OR11H4: variants seen among roughly 807,000 people sequenced by gnomAD.
The protein encoded by OR11H4 is olfactory receptor 11H4.
For missense variants in OR11H4, 460 were observed against 371.1 expected, an observed-to-expected ratio of 1.24 and a Z score of -1.97; for synonymous variants, 162 against 142.3, an observed-to-expected ratio of 1.14 and a Z score of -0.98.
Position 20,243,717 on chromosome 14 carries a change from T to C in OR11H4, c.896T>C (p.Leu299Pro). ...IYTLRNKDMK[L>P]ALRNVLFGMR... ...ACTCTTCGTAATAAGGACATGAAAC[T>C]CGCTCTGAGAAATGTCCTGTTTGGA... is the stretch of plus-strand genomic sequence containing the variant. The change falls in exon 2 of 2, where the codon CTC (leucine) becomes CCC (proline). Residue 299 changes from leucine (L) to proline (P), a missense_variant. Coordinates refer to ENST00000641082, the MANE Select transcript of OR11H4 (RefSeq NM_001004479.2). 1.2e-6 allele frequency: 2 copies of C among 1,601,320 alleles called. No individual in the cohort carries two copies. The highest frequency in any genetic ancestry group is 1.7e-6 in the Non-Finnish European group (2 of 1,174,234).
chr14:20,242,918 G>T lies in OR11H4; in HGVS notation c.97G>T (p.Val33Leu), dbSNP rs767960010. 1.9e-6 allele frequency: 3 copies of T among 1,614,092 alleles called. No homozygotes were observed. The highest frequency in any genetic ancestry group is 2.5e-6 in the Non-Finnish European group (3 of 1,180,014). Residue 33 changes from valine (V) to leucine (L), a missense_variant, in exon 2 of 2, where the codon GTG (valine) becomes TTG (leucine). By Grantham distance (32) the Val-to-Leu change is conservative. Coordinates refer to ENST00000641082, the MANE Select transcript of OR11H4 (RefSeq NM_001004479.2). The stretch of plus-strand genomic sequence containing the variant: ...GATTTTCCTCTTCTCATTGTTTTTG[G>T]TGATTTATGTCTTGACCTTGCTGGG... ...IQIFLFSLFL[V>L]IYVLTLLGNG...
At chr14:20,239,673 G>A (rs1880874496) in intron 1 of OR11H4, among the ~76,000 whole-genome samples, 1 of 151,586 alleles carries the variant, frequency 6.6e-6, no homozygotes, top group Admixed American at 6.6e-5. Context: ...CAGCCTCGGC[G>A]ACAGAGCGAG....
chr14:20,243,557 G>C lies in OR11H4; in HGVS notation c.736G>C (p.Val246Leu). 1.1e-5 allele frequency: 18 copies of C among 1,613,368 alleles called. No individual in the cohort carries two copies. The highest frequency in any genetic ancestry group is 1.5e-5 in the Non-Finnish European group (18 of 1,179,792). The stretch of plus-strand genomic sequence containing the variant: ...CTTCTCTACCTGTGGTTCTCATTTG[G>C]TTGTGGTATCTCTTTTCTATGGGAC... ...KAFSTCGSHL[V>L]VVSLFYGTVM... is the part of the protein sequence containing the mutation. The change falls in exon 2 of 2, where the codon GTT becomes CTT. Residue 246 changes from valine (V) to leucine (L), a missense_variant. By Grantham distance (32) the Val-to-Leu change is conservative (BLOSUM62 1). Transcript: ENST00000641082.
chr14:20,242,586 A>C (rs1880958423), intron 1 of OR11H4, among the ~76,000 whole-genome samples: 1 of 152,208 alleles, frequency 6.6e-6, no homozygotes, highest in African/African-American at 2.4e-5. Flanking sequence ...ACAGTGTCAA[A>C]AATTCTAGCT....
At chr14:20,239,567 G>A (rs190233260) in intron 1 of OR11H4, among the ~76,000 whole-genome samples, 1,703 of 152,094 alleles carry the variant, frequency 0.011, 31 homozygotes, top group African/African-American at 0.039. Flanking sequence ...GATGGCGGGC[G>A]CCTATAGTCC....
At chr14:20,241,607 A>T (rs1327886249) in intron 1 of OR11H4, among the ~76,000 whole-genome samples, 1 of 152,218 alleles carries the variant, frequency 6.6e-6, no homozygotes, top group Non-Finnish European at 1.5e-5. Flanking sequence ...GTCTGGTAGG[A>T]CGAGAGACTG....
Position 20,243,824 on chromosome 14 carries a change from G to C in OR11H4, c.*58G>C. ...GAAGAACAAGGTCGAGATGTTGTCA[G>C]TTCTTTAGCAGTCTTTCAGTCCTCA... On this transcript the variant is annotated 3_prime_UTR_variant, in exon 2 of 2. Coordinates refer to ENST00000641082, the MANE Select transcript of OR11H4 (RefSeq NM_001004479.2). 3 of 1,502,040 alleles carry C rather than the reference G, an allele frequency of 2.0e-6. No homozygotes were observed. In the South Asian group the frequency reaches 4.1e-5, roughly 21 times the overall value. 93.0% of individuals were successfully genotyped at this position (1,502,040 alleles called of 1,614,324 possible).
chr14:20,242,902 C>T lies in OR11H4; in HGVS notation c.81C>T (p.Leu27=). The change falls in exon 2 of 2, where the codon CTC becomes CTT. Residue 27 remains leucine (L), a synonymous_variant. Coordinates refer to ENST00000641082, the MANE Select transcript of OR11H4 (RefSeq NM_001004479.2). The part of the protein sequence containing the change: ...FPGCWKIQIF[L]FSLFLVIYVL... ...GTTGCTGGAAGATTCAGATTTTCCT[C>T]TTCTCATTGTTTTTGGTGATTTATG... The T allele has an allele frequency of 6.2e-7, 1 of 1,614,048 alleles. No homozygotes were observed. The highest frequency in any genetic ancestry group is 1.1e-5 in the South Asian group (1 of 91,074).
Position 20,242,909 on chromosome 14 carries a change from T to C in OR11H4, c.88T>C (p.Leu30=), listed in dbSNP as rs759916823. 1.9e-6 allele frequency: 3 copies of C among 1,614,192 alleles called. No homozygotes were observed. The highest frequency in any genetic ancestry group is 2.2e-5 in the South Asian group (2 of 91,080). The change falls in exon 2 of 2, where the codon TTG becomes CTG. Residue 30 remains leucine, a synonymous_variant. Coordinates refer to ENST00000641082, the MANE Select transcript of OR11H4 (RefSeq NM_001004479.2). The part of the protein sequence containing the change: ...CWKIQIFLFS[L]FLVIYVLTLL... ...GAAGATTCAGATTTTCCTCTTCTCA[T>C]TGTTTTTGGTGATTTATGTCTTGAC...
At chr14:20,240,579 CTT>C (rs34514476) in intron 1 of OR11H4, among the ~76,000 whole-genome samples, 48 of 105,218 alleles carry the variant, frequency 4.6e-4, no homozygotes, top group East Asian at 6.2e-4. Flanking sequence ...AAACTACCTT[CTT>C]TTTTTTTTTT....
Position 20,243,946 on chromosome 14 carries a change from C to A in OR11H4, c.*180C>A. On this transcript the variant is annotated 3_prime_UTR_variant, in exon 2 of 2. Transcript: ENST00000641082. Reference sequence around the variant, plus strand: ...CTTTAAACCTTAATTAACTGGTCTTCAACATCCACTTAAAAGTTTTCAAAG... The same window carrying A: ...CTTTAAACCTTAATTAACTGGTCTTAAACATCCACTTAAAAGTTTTCAAAG... The A allele has an allele frequency of 4.0e-6, 2 of 504,788 alleles. No individual in the cohort carries two copies. Among genetic ancestry groups the A allele is most frequent in the Non-Finnish European group, 6.5e-6 (2 of 305,892 alleles). 31.3% of individuals were successfully genotyped at this position (504,788 alleles called of 1,614,324 possible).
Position 20,243,084 on chromosome 14 carries a change from A to T in OR11H4, c.263A>T (p.Lys88Met). 6.2e-7 allele frequency: 1 copy of T among 1,614,158 alleles called. No homozygotes were observed. Among genetic ancestry groups the T allele is most frequent in the Non-Finnish European group, 8.5e-7 (1 of 1,180,048 alleles). The change falls in exon 2 of 2, where the codon AAG becomes ATG. Residue 88 changes from lysine (K) to methionine (M), a missense_variant. Physicochemically the swap from Lys to Met is moderately conservative, Grantham distance 95 (BLOSUM62 -1). Coordinates refer to ENST00000641082, the MANE Select transcript of OR11H4 (RefSeq NM_001004479.2). ...IPNMLVNILS[K>M]TKAISFSGCF... Reference sequence around the variant, plus strand: ...AACATGCTAGTCAACATTCTCTCCAAGACCAAGGCCATCTCATTTTCTGGG... The same window carrying T: ...AACATGCTAGTCAACATTCTCTCCATGACCAAGGCCATCTCATTTTCTGGG...
intron 1 of OR11H4, among the ~76,000 whole-genome samples, chr14:20,241,221 G>A (rs1880910016): frequency 6.6e-6 from 1 of 151,938 alleles, no homozygotes; most frequent in Non-Finnish European, 1.5e-5. Context: ...ATTACAAAAA[G>A]TAAGATAGTT....
chr14:20,241,175 A>C (rs1487750886), intron 1 of OR11H4, among the ~76,000 whole-genome samples: 1 of 152,188 alleles, frequency 6.6e-6, no homozygotes, highest in Admixed American at 6.5e-5. Context: ...TTGTATAGAA[A>C]ACATCATTTT....
rs986193487 is a variant in OR11H4 at position 20,240,131 on chromosome 14, C to G, written c.-12+800C>G. Among the ~76,000 whole-genome samples the G allele has an allele frequency of 4.6e-5, 7 of 152,260 alleles. 1 individual carries two copies. Among genetic ancestry groups the G allele is most frequent in the Admixed American group, 6.5e-5 (1 of 15,280 alleles). The stretch of plus-strand genomic sequence containing the variant: ...ATTCTCATCAAGCAGGCATTCAGAA[C>G]AAAGGGCGGGAGGCTCAGATCTCAC... On this transcript the variant is annotated intron_variant, in intron 1 of 1. Coordinates refer to ENST00000641082, the MANE Select transcript of OR11H4 (RefSeq NM_001004479.2).
At chr14:20,239,669 C>G (rs551536737) in intron 1 of OR11H4, among the ~76,000 whole-genome samples, 2 of 150,738 alleles carry the variant, frequency 1.3e-5, no homozygotes, top group African/African-American at 4.9e-5. Flanking sequence ...ACTCCAGCCT[C>G]GGCGACAGAG....
chr14:20,243,742 A>C lies in OR11H4; in HGVS notation c.921A>C (p.Gly307=), dbSNP rs1334137786. The part of the protein sequence containing the change: ...MKLALRNVLF[G]MRIRQNS Reference sequence around the variant, plus strand: ...TCGCTCTGAGAAATGTCCTGTTTGGAATGAGAATTCGTCAAAATTCGTGAG... The same window carrying C: ...TCGCTCTGAGAAATGTCCTGTTTGGCATGAGAATTCGTCAAAATTCGTGAG... Residue 307 remains glycine (G), a synonymous_variant, in exon 2 of 2, where the codon GGA becomes GGC. Coordinates refer to ENST00000641082, the MANE Select transcript of OR11H4 (RefSeq NM_001004479.2). The C allele has an allele frequency of 1.5e-5, 23 of 1,581,290 alleles. No homozygotes were observed. The highest frequency in any genetic ancestry group is 4.3e-6 in the Non-Finnish European group (5 of 1,164,152).
At chr14:20,240,574 ACCTT>A (rs1880892375) in intron 1 of OR11H4, among the ~76,000 whole-genome samples, 1 of 139,976 alleles carries the variant, frequency 7.1e-6, no homozygotes, top group African/African-American at 2.8e-5. Context: ...TATTGAAACT[ACCTT>A]CTTTTTTTTT....
At chr14:20,241,924 A>G (rs11159552) in intron 1 of OR11H4, among the ~76,000 whole-genome samples, 9,529 of 151,960 alleles carry the variant, frequency 0.063, 373 homozygotes, top group African/African-American at 0.082. Flanking sequence ...TATCTCAGTG[A>G]AGTAAAGAAT....
Sources: allele counts gnomAD v4.1 joint callset (sites outside exome capture counted in the v4.1 genomes callset), GRCh38; gene constraint gnomAD v4.1.1; transcripts MANE v1.5; gene names NCBI Gene and HGNC (gene_info 2026-07-23, HGNC 2026-07-21).